The following ADK variants were observed in gnomAD, a reference collection of about 807,000 sequenced individuals.
ADK encodes N6,N6-dimethyladenosine kinase.
A neutral mutation model predicts 44.7 loss-of-function variants in ADK; 24 were observed. That is an observed-to-expected ratio of 0.54 (90% CI 0.39 to 0.76). ADK has a LOEUF of 0.76. Ranked by LOEUF, ADK falls within the 30% of genes least tolerant of loss-of-function variation. The probability of loss-of-function intolerance (pLI) is 0.00; values close to 1 mark genes in which losing one functional copy is unlikely to be tolerated. For missense variants in ADK, 321 were observed against 425.1 expected (o/e 0.76, Z 2.15); for synonymous variants, 128 against 142.6 (o/e 0.90, Z 0.73).
chr10:74,489,957 T>G (rs1847417742), intron 6 of ADK, among the ~76,000 whole-genome samples: 1 of 151,894 alleles, frequency 6.6e-6, no homozygotes, highest in Non-Finnish European at 1.5e-5. Flanking sequence ...ATAAGTAGAG[T>G]TTCTATGATT....
At chr10:74,263,802 A>G (rs1466027083) in intron 3 of ADK, among the ~76,000 whole-genome samples, 1 of 152,196 alleles carries the variant, frequency 6.6e-6, no homozygotes, top group Non-Finnish European at 1.5e-5. Flanking sequence ...TTCGTGTAAC[A>G]TTGAATTTTT....
chr10:74,320,468 C>T (rs564353232), intron 4 of ADK, among the ~76,000 whole-genome samples: 142 of 152,040 alleles, frequency 9.3e-4, no homozygotes, highest in Non-Finnish European at 1.5e-3. Context: ...ATGTTTAGAG[C>T]TTATTAAATT....
At chr10:74,414,689 T>G (rs1253389099) in intron 6 of ADK, among the ~76,000 whole-genome samples, 1 of 152,112 alleles carries the variant, frequency 6.6e-6, no homozygotes, top group East Asian at 1.9e-4. Flanking sequence ...CCTGCCTAGG[T>G]GACAGAGTGA....
chr10:74,608,287 G>A (rs1852411819), intron 9 of ADK, among the ~76,000 whole-genome samples: 2 of 151,930 alleles, frequency 1.3e-5, no homozygotes, highest in African/African-American at 4.8e-5. Flanking sequence ...GTGAGGAGTT[G>A]TGATCCTTTG....
intron 9 of ADK, among the ~76,000 whole-genome samples, chr10:74,661,913 T>G (rs1854746533): frequency 6.6e-6 from 1 of 152,240 alleles, no homozygotes; most frequent in South Asian, 2.1e-4. Flanking sequence ...CATGTCTTAA[T>G]ATTTTTCCTG....
chr10:74,503,326 T>C (rs1847943196), intron 6 of ADK, among the ~76,000 whole-genome samples: 1 of 152,192 alleles, frequency 6.6e-6, no homozygotes, highest in Non-Finnish European at 1.5e-5. Flanking sequence ...TTAGGCTAGC[T>C]AGAAACTCCA....
chr10:74,461,256 C>A (rs1443045280), intron 6 of ADK, among the ~76,000 whole-genome samples: 6 of 151,998 alleles, frequency 3.9e-5, no homozygotes, highest in African/African-American at 1.4e-4. Flanking sequence ...AAATATAGTT[C>A]TTGCTTTACT....
chr10:74,408,158 T>G (rs1844021690), intron 6 of ADK, among the ~76,000 whole-genome samples: 1 of 151,144 alleles, frequency 6.6e-6, no homozygotes, highest in Admixed American at 6.6e-5. Flanking sequence ...TTTTGTATTT[T>G]TTTTTTTTTT....
intron 9 of ADK, among the ~76,000 whole-genome samples, chr10:74,603,429 C>A (rs1852213819): frequency 6.6e-6 from 1 of 152,088 alleles, no homozygotes; most frequent in Non-Finnish European, 1.5e-5. Flanking sequence ...CCCCGACAGG[C>A]CCTGGTGTGT....
At chr10:74,164,685 TCG>T (rs1841989903) in intron 1 of ADK, among the ~76,000 whole-genome samples, 1 of 152,192 alleles carries the variant, frequency 6.6e-6, no homozygotes, top group African/African-American at 2.4e-5. Flanking sequence ...AGACTTATAC[TCG>T]TAGATTCTTA....
At chr10:74,178,015 C>G (rs1842412783) in intron 1 of ADK, among the ~76,000 whole-genome samples, 1 of 149,450 alleles carries the variant, frequency 6.7e-6, no homozygotes, top group Non-Finnish European at 1.5e-5. Flanking sequence ...GCTCTCTGCT[C>G]ACTGCAATCT....
At chr10:74,573,000 A>G (rs1589260467) in intron 7 of ADK, among the ~76,000 whole-genome samples, 1 of 151,988 alleles carries the variant, frequency 6.6e-6, no homozygotes, top group African/African-American at 2.4e-5. Context: ...TCTTCTCTCA[A>G]CTCGTCAAAG....
intron 7 of ADK, among the ~76,000 whole-genome samples, chr10:74,532,280 C>T (rs1312310866): frequency 1.3e-5 from 2 of 151,916 alleles, no homozygotes; most frequent in African/African-American, 2.4e-5. Context: ...GAGTTTGAGA[C>T]CAGCCTGGCC....
intron 6 of ADK, among the ~76,000 whole-genome samples, chr10:74,459,326 T>TA (rs1340022248): frequency 6.6e-6 from 1 of 151,716 alleles, no homozygotes; most frequent in Non-Finnish European, 1.5e-5. Context: ...AATGTAAGAA[T>TA]ATGCAAAAAT....
intron 3 of ADK, among the ~76,000 whole-genome samples, chr10:74,264,369 T>A (rs1317084803): frequency 1.3e-5 from 2 of 152,244 alleles, no homozygotes; most frequent in African/African-American, 2.4e-5. Context: ...GTGGTTTTAA[T>A]TGAATTTTGA....
intron 1 of ADK, among the ~76,000 whole-genome samples, chr10:74,184,336 T>C (rs958213942): frequency 6.6e-6 from 1 of 152,116 alleles, no homozygotes; most frequent in Non-Finnish European, 1.5e-5. Context: ...TTATTATTAT[T>C]TTTTCTTTTG....
intron 4 of ADK, among the ~76,000 whole-genome samples, chr10:74,332,228 A>G (rs1841242705): frequency 6.6e-6 from 1 of 152,234 alleles, no homozygotes; most frequent in Non-Finnish European, 1.5e-5. Flanking sequence ...GTCAGACTCT[A>G]TCAAGGTGAT....
chr10:74,472,162 C>A (rs904515386), intron 6 of ADK, among the ~76,000 whole-genome samples: 1 of 152,038 alleles, frequency 6.6e-6, no homozygotes, highest in Non-Finnish European at 1.5e-5. Flanking sequence ...GTGGTCATAC[C>A]ACTGCACTCC....
intron 4 of ADK, among the ~76,000 whole-genome samples, chr10:74,381,927 C>G (rs1474574197): frequency 1.3e-5 from 2 of 152,038 alleles, no homozygotes; most frequent in Non-Finnish European, 2.9e-5. Flanking sequence ...AAAGTGTATA[C>G]TAGAAAAAGT....
Sources: allele counts gnomAD v4.1 joint callset (sites outside exome capture counted in the v4.1 genomes callset), GRCh38; gene constraint gnomAD v4.1.1; transcripts MANE v1.5; gene names NCBI Gene and HGNC (gene_info 2026-07-23, HGNC 2026-07-21).